The following SOS1 variants were observed in gnomAD, a reference collection of about 807,000 sequenced individuals.
SOS1 encodes the protein son of sevenless homolog 1.
A neutral mutation model predicts 157.6 loss-of-function variants in SOS1; 25 were observed. That is an observed-to-expected ratio of 0.16 (90% confidence interval 0.12 to 0.22). The LOEUF is 0.22. Ranked by LOEUF, SOS1 falls within the 10% of genes least tolerant of loss-of-function variation. The pLI, the probability that SOS1 is intolerant of heterozygous loss-of-function variation, is 1.00. For missense variants in SOS1, 1,237 were observed against 1,599.1 expected (o/e 0.77, Z 3.86); for synonymous variants, 528 against 534.0 (o/e 0.99, Z 0.16).
chr2:39,000,960 C>T (rs1442757084), intron 17 of SOS1, among the ~76,000 whole-genome samples: 3 of 152,220 alleles, frequency 2.0e-5, no homozygotes, highest in African/African-American at 7.2e-5. Context: ...AGAAGGAGGA[C>T]ACAAGATCAG....
At chr2:39,121,122 CGAGAGAGAAAGAGA>C (rs1218005332), upstream of SOS1, 1 of 153,704 alleles carries the variant, frequency 6.5e-6, no homozygotes, top group African/African-American at 2.4e-5. Context: ...GAGGAAAGCT[CGAGAGAGAAAGAGA>C]GAGAGAGACA....
chr2:38,995,962 C>A lies in SOS1; in HGVS notation c.3082-575G>T, dbSNP rs558608163. Reference sequence around the variant, plus strand: ...TTATAATTTTCTATTTTTAATCCATCTTATTAAAAACTGAACAAGGGCTTG... The same window carrying A: ...TTATAATTTTCTATTTTTAATCCATATTATTAAAAACTGAACAAGGGCTTG... On this transcript the variant is annotated intron_variant, in intron 19 of 22. Coordinates refer to ENST00000402219, the MANE Select transcript of SOS1 (RefSeq NM_005633.4). Among the ~76,000 whole-genome samples the A allele has an allele frequency of 5.9e-5, 9 of 152,214 alleles. No homozygotes were observed. In the South Asian group the frequency reaches 1.9e-3, roughly 32 times the overall value.
At chr2:39,071,737 G>A (rs1386318169) in intron 1 of SOS1, among the ~76,000 whole-genome samples, 1 of 152,144 alleles carries the variant, frequency 6.6e-6, no homozygotes, top group Non-Finnish European at 1.5e-5. Context: ...AGAAACCCAT[G>A]TATATAATTC....
At chr2:39,013,136 G>T (rs577934107) in intron 13 of SOS1, among the ~76,000 whole-genome samples, 1 of 151,918 alleles carries the variant, frequency 6.6e-6, no homozygotes, top group Non-Finnish European at 1.5e-5. Flanking sequence ...TGGCCCACTC[G>T]ACCTCCATCA....
At chr2:39,017,665 T>C (rs904278258) in intron 10 of SOS1, among the ~76,000 whole-genome samples, 2 of 152,016 alleles carry the variant, frequency 1.3e-5, no homozygotes, top group Admixed American at 6.6e-5. Flanking sequence ...TTTCAAAAAA[T>C]ATCTTAAAGG....
At chr2:39,024,583 C>T (rs1361338795) in intron 8 of SOS1, among the ~76,000 whole-genome samples, 6 of 151,324 alleles carry the variant, frequency 4.0e-5, no homozygotes, top group Admixed American at 2.6e-4. Context: ...ATACAGAGAA[C>T]GATGCAATAT....
intron 10 of SOS1, among the ~76,000 whole-genome samples, chr2:39,019,084 T>C (rs964232496): frequency 1.8e-4 from 27 of 151,864 alleles, no homozygotes; most frequent in South Asian, 2.1e-4. Context: ...AGGTATAAAA[T>C]AGCAGTAAAT....
intron 2 of SOS1, among the ~76,000 whole-genome samples, chr2:39,066,308 T>C (rs1459837108): frequency 1.3e-5 from 2 of 152,228 alleles, no homozygotes; most frequent in Admixed American, 6.5e-5. Flanking sequence ...TCAGTCCAAC[T>C]ATCTTTTTTT....
At chr2:39,110,092 G>A (rs971572336) in intron 1 of SOS1, among the ~76,000 whole-genome samples, 1 of 149,518 alleles carries the variant, frequency 6.7e-6, no homozygotes, top group Non-Finnish European at 1.5e-5. Context: ...GTGCATGTAT[G>A]TATATAGTCA....
At chr2:39,023,607 A>G (rs1669867693) in intron 9 of SOS1, among the ~76,000 whole-genome samples, 1 of 152,156 alleles carries the variant, frequency 6.6e-6, no homozygotes, top group Non-Finnish European at 1.5e-5. Flanking sequence ...CCAAAGCTAA[A>G]AACATGTAGC....
chr2:39,089,565 C>G (rs1299558248), intron 1 of SOS1, among the ~76,000 whole-genome samples: 1 of 149,318 alleles, frequency 6.7e-6, no homozygotes, highest in Non-Finnish European at 1.5e-5. Context: ...AGAAAAGAAG[C>G]CAACCTAAAA....
intron 1 of SOS1, among the ~76,000 whole-genome samples, chr2:39,111,673 A>T (rs766245621): frequency 1.3e-5 from 2 of 151,234 alleles, no homozygotes; most frequent in Non-Finnish European, 2.9e-5. Context: ...GCAACCCAAT[A>T]CATCAACTTT....
chr2:39,114,880 GA>G (rs1343624845), intron 1 of SOS1, among the ~76,000 whole-genome samples: 9 of 152,262 alleles, frequency 5.9e-5, no homozygotes, highest in African/African-American at 2.2e-4. Context: ...TTACAGGTGT[GA>G]GCCATCGCAC....
upstream of SOS1, among the ~76,000 whole-genome samples, chr2:39,123,025 C>T (rs1342123337): frequency 1.3e-5 from 2 of 152,290 alleles, no homozygotes; most frequent in East Asian, 3.9e-4. Flanking sequence ...TGCTCACATT[C>T]TCAATGTTTT....
At chr2:39,020,289 T>C (rs1327954865) in intron 10 of SOS1, among the ~76,000 whole-genome samples, 2 of 151,702 alleles carry the variant, frequency 1.3e-5, no homozygotes, top group Non-Finnish European at 3.0e-5. Context: ...CAGTGAAGTC[T>C]GAATAAAGTA....
intron 6 of SOS1, among the ~76,000 whole-genome samples, chr2:39,044,253 G>A (rs1161730515): frequency 2.0e-5 from 3 of 152,154 alleles, no homozygotes; most frequent in Admixed American, 2.0e-4. Flanking sequence ...TGGGGTGGCT[G>A]AGGCATGAGA....
intron 8 of SOS1, among the ~76,000 whole-genome samples, chr2:39,025,842 C>T (rs1370019399): frequency 2.0e-5 from 3 of 152,126 alleles, no homozygotes; most frequent in Non-Finnish European, 4.4e-5. Flanking sequence ...GAAAAGTAAA[C>T]AGATTTCTTA....
At chr2:39,123,152 C>G (rs925563049), upstream of SOS1, among the ~76,000 whole-genome samples, 2 of 152,178 alleles carry the variant, frequency 1.3e-5, no homozygotes, top group African/African-American at 4.8e-5. Context: ...GAACCCCTAA[C>G]TGTTCCCTTG....
At chr2:39,023,407 T>G (rs1214211189) in intron 9 of SOS1, among the ~76,000 whole-genome samples, 182 bp from the exon 10 acceptor site, 1 of 152,014 alleles carries the variant, frequency 6.6e-6, no homozygotes, top group African/African-American at 2.4e-5. Context: ...CCTAGAAATT[T>G]TTTTCAGTGT....
Sources: gnomAD v4.1 joint callset for allele counts (sites outside exome capture counted in the v4.1 genomes callset) on GRCh38, gnomAD v4.1.1 for gene constraint, MANE v1.5 for transcripts, NCBI Gene and HGNC (gene_info 2026-07-23, HGNC 2026-07-21) for gene names.